Variants in EPHA5 observed in about 807,000 individuals in gnomAD.
EPHA5 encodes EPH receptor A5.
In EPHA5, 60 loss-of-function variants were observed where a neutral mutation model predicts 105.0. That is an observed-to-expected ratio of 0.57 (90% CI 0.46 to 0.71). The LOEUF is 0.71. Among genes scored for constraint, EPHA5 ranks in the 30% least tolerant of loss-of-function variants. The pLI is 0.00. For synonymous variants in EPHA5, 513 were observed against 449.1 expected, an observed-to-expected ratio of 1.14 and a Z score of -1.80; for missense variants, 1,218 against 1,274.7, an observed-to-expected ratio of 0.96 and a Z score of 0.68.
At chr4:65,404,315 A>G in intron 8 of EPHA5, 59 bp downstream of exon 8, 1 of 1,431,482 alleles carries the variant, frequency 7.0e-7, no homozygotes, top group East Asian at 2.3e-5. Flanking sequence ...CCAAATGGTC[A>G]GATCAAGGTG....
chr4:65,570,618 G>A (rs1345849862), intron 3 of EPHA5, among the ~76,000 whole-genome samples: 2 of 151,734 alleles, frequency 1.3e-5, no homozygotes, highest in Admixed American at 6.6e-5. Context: ...ATGATTATAC[G>A]ATGAAGAGCA....
chr4:65,412,490 AATACATTC>A (rs1723006143), intron 7 of EPHA5, among the ~76,000 whole-genome samples: 1 of 152,144 alleles, frequency 6.6e-6, no homozygotes, highest in Non-Finnish European at 1.5e-5. Flanking sequence ...CTCTACAAAT[AATACATTC>A]ATTCTTTAAA....
intron 2 of EPHA5, among the ~76,000 whole-genome samples, chr4:65,624,191 A>T (rs1745939743): frequency 6.6e-6 from 1 of 152,210 alleles, no homozygotes; most frequent in South Asian, 2.1e-4. Context: ...AATAAAGGTA[A>T]TAGTAAAATG....
intron 1 of EPHA5, among the ~76,000 whole-genome samples, chr4:65,644,458 T>C (rs1467387089): frequency 6.6e-6 from 1 of 152,076 alleles, no homozygotes; most frequent in African/African-American, 2.4e-5. Flanking sequence ...ACGTGAGTTA[T>C]TCCTATGTAG....
At chr4:65,367,964 T>G (rs1032631818) in intron 8 of EPHA5, among the ~76,000 whole-genome samples, 8 of 152,028 alleles carry the variant, frequency 5.3e-5, no homozygotes, top group African/African-American at 1.9e-4. Context: ...CCTCTCAGCT[T>G]CACTTTTCAA....
intron 5 of EPHA5, among the ~76,000 whole-genome samples, chr4:65,466,510 A>G (rs998334207): frequency 3.3e-5 from 5 of 152,194 alleles, no homozygotes; most frequent in African/African-American, 1.2e-4. Context: ...CATTTTAAAG[A>G]GATCCCTGTG....
rs918315205 is a variant in EPHA5, at chr4:65,321,647, G to T, written c.*2467C>A. ...ACTTTCCAAAATGATCACCAAGATT[G>T]CAAAGAAGGCAAATAAATTTGATCC... On this transcript the variant is annotated 3_prime_UTR_variant, in exon 17 of 17. Transcript: ENST00000613740. 1.7e-5 allele frequency: 4 copies of T among 228,818 alleles called. No homozygotes were observed. Among genetic ancestry groups the T allele is most frequent in the Non-Finnish European group, 3.5e-5 (4 of 115,266 alleles). 14.2% of individuals were successfully genotyped at this position (228,818 alleles called of 1,614,324 possible). A position where few individuals can be genotyped will look rare whatever the true frequency, so the allele number is the denominator to read the frequency against.
chr4:65,387,220 C>G (rs563634380), intron 8 of EPHA5, among the ~76,000 whole-genome samples: 3 of 152,000 alleles, frequency 2.0e-5, no homozygotes, highest in Admixed American at 2.0e-4. Context: ...AGATGATCCC[C>G]TAATAGACTT....
chr4:65,526,091 G>C (rs909146907), intron 3 of EPHA5, among the ~76,000 whole-genome samples: 1 of 151,770 alleles, frequency 6.6e-6, no homozygotes, highest in African/African-American at 2.4e-5. Flanking sequence ...AGGTATTACT[G>C]TTTTGCATAT....
At chr4:65,364,928 A>G (rs183392582) in intron 11 of EPHA5, 89 bp downstream of exon 11, 10 of 1,065,530 alleles carry the variant, frequency 9.4e-6, no homozygotes, top group Admixed American at 7.6e-5. Flanking sequence ...ATATATTACA[A>G]TCTTGGTTTC....
chr4:65,388,814 T>C (rs1720402769), intron 8 of EPHA5, among the ~76,000 whole-genome samples: 1 of 151,498 alleles, frequency 6.6e-6, no homozygotes, highest in African/African-American at 2.4e-5. Flanking sequence ...AGCTCTTTAG[T>C]TTAATTAGAT....
At chr4:65,637,384 G>T (rs1021809817) in intron 2 of EPHA5, among the ~76,000 whole-genome samples, 3 of 151,264 alleles carry the variant, frequency 2.0e-5, no homozygotes, top group Non-Finnish European at 2.9e-5. Flanking sequence ...TCAAAGAGGA[G>T]AATTTGCATA....
intron 5 of EPHA5, among the ~76,000 whole-genome samples, chr4:65,458,565 T>G (rs1727833718): frequency 6.6e-6 from 1 of 152,172 alleles, no homozygotes; most frequent in South Asian, 2.1e-4. Flanking sequence ...CTTCTTAATG[T>G]TCACATTAAT....
chr4:65,344,524 T>C (rs1722032497), intron 14 of EPHA5, among the ~76,000 whole-genome samples: 1 of 152,162 alleles, frequency 6.6e-6, no homozygotes, highest in South Asian at 2.1e-4. Context: ...AGGATCAGAA[T>C]TCAAAATATC....
At chr4:65,650,995 T>A (rs767789676) in intron 1 of EPHA5, among the ~76,000 whole-genome samples, 62 of 152,334 alleles carry the variant, frequency 4.1e-4, no homozygotes, top group Non-Finnish European at 7.2e-4. Context: ...AATGAACTTA[T>A]TTCAATTCCA....
intron 3 of EPHA5, among the ~76,000 whole-genome samples, chr4:65,565,809 A>G (rs2149364999): frequency 6.6e-6 from 1 of 151,878 alleles, no homozygotes; most frequent in Non-Finnish European, 1.5e-5. Flanking sequence ...TATAAATGAA[A>G]TATTAATTTA....
At chr4:65,644,770 A>G (rs1444158705) in intron 1 of EPHA5, among the ~76,000 whole-genome samples, 2 of 152,004 alleles carry the variant, frequency 1.3e-5, no homozygotes, top group Non-Finnish European at 2.9e-5. Context: ...AACCACATTG[A>G]AAGTATATAA....
intron 3 of EPHA5, among the ~76,000 whole-genome samples, chr4:65,553,413 A>AT (rs994548660): frequency 1.1e-4 from 17 of 151,052 alleles, no homozygotes; most frequent in South Asian, 8.4e-4. Flanking sequence ...TCCACCTAAC[A>AT]TTTTTTTTTC....
At chr4:65,658,757 G>A (rs373768341) in intron 1 of EPHA5, among the ~76,000 whole-genome samples, 43 of 152,094 alleles carry the variant, frequency 2.8e-4, no homozygotes, top group African/African-American at 4.6e-4. Context: ...TCCTGAGCCC[G>A]TGTTTTTACA....
Sources: allele counts gnomAD v4.1 joint callset (sites outside exome capture counted in the v4.1 genomes callset), GRCh38; gene constraint gnomAD v4.1.1; transcripts MANE v1.5; gene names NCBI Gene and HGNC (gene_info 2026-07-23, HGNC 2026-07-21).